MECOM: variants seen among roughly 807,000 people sequenced by gnomAD.
The protein encoded by MECOM is MDS1 and EVI1 complex locus.
A neutral mutation model predicts 116.3 loss-of-function variants in MECOM; 13 were observed. The observed-to-expected ratio is 0.11, with a 90% CI of 0.07 to 0.18. The LOEUF is 0.18. Among genes scored for constraint, MECOM ranks in the 10% least tolerant of loss-of-function variants. The pLI, the probability that MECOM is intolerant of heterozygous loss-of-function variation, is 1.00. For synonymous variants in MECOM, 528 were observed against 535.2 expected (o/e 0.99, Z 0.19); for missense variants, 1,299 against 1,509.0 (o/e 0.86, Z 2.31).
intron 2 of MECOM, among the ~76,000 whole-genome samples, chr3:169,310,585 G>A (rs542373368): frequency 2.6e-5 from 4 of 152,302 alleles, no homozygotes; most frequent in Middle Eastern, 3.4e-3. Flanking sequence ...TTTGGCGTGT[G>A]TATCTATTGC....
intron 1 of MECOM, among the ~76,000 whole-genome samples, chr3:169,475,431 A>G (rs1750197337): frequency 6.6e-6 from 1 of 152,096 alleles, no homozygotes; most frequent in South Asian, 2.1e-4. Context: ...CCTTCCTCTT[A>G]TGCACCCTGG....
rs371128391 is a variant in MECOM at position 169,115,459 on chromosome 3, C to T, written c.2413G>A (p.Val805Ile). ...HVFGGKKGSN[V>I]ESRPASDGSL... ...CCATCTGAAGCAGGTCTTGATTCGACGTTGCTTCCTTTTTTTCCCCCAAAC... is the reference window on the plus strand; with the variant it reads ...CCATCTGAAGCAGGTCTTGATTCGATGTTGCTTCCTTTTTTTCCCCCAAAC... Residue 805 changes from valine to isoleucine, a missense_variant, in exon 8 of 17, where the codon GTC becomes ATC. This residue lies in a region of MECOM where 340 missense variants were observed against 312.6 expected (regional missense o/e 1.09). Transcript: ENST00000651503. 1.0e-4 allele frequency: 161 copies of T among 1,613,992 alleles called. No individual in the cohort carries two copies. The highest frequency in any genetic ancestry group is 4.9e-4 in the Middle Eastern group (3 of 6,084).
chr3:169,629,276 C>T (rs561739702), intron 1 of MECOM, among the ~76,000 whole-genome samples: 15 of 151,622 alleles, frequency 9.9e-5, no homozygotes, highest in Admixed American at 3.3e-4. Flanking sequence ...ATATATTTGC[C>T]GACATCATAA....
chr3:169,575,337 G>A (rs1259640144), intron 1 of MECOM, among the ~76,000 whole-genome samples: 4 of 152,194 alleles, frequency 2.6e-5, no homozygotes, highest in Admixed American at 2.6e-4. Flanking sequence ...CTTTCCAGCA[G>A]GGGAAGGTGT....
At chr3:169,475,787 C>T (rs1313577940) in intron 1 of MECOM, among the ~76,000 whole-genome samples, 5 of 151,914 alleles carry the variant, frequency 3.3e-5, no homozygotes, top group Admixed American at 2.0e-4. Context: ...GGTTTTTAAC[C>T]ACCAATAACA....
chr3:169,392,503 C>T (rs893384078), intron 1 of MECOM, among the ~76,000 whole-genome samples: 1 of 152,142 alleles, frequency 6.6e-6, no homozygotes, highest in African/African-American at 2.4e-5. Context: ...CATTCCAAAA[C>T]ATTTATTCAA....
At chr3:169,356,430 C>G (rs1216318708) in intron 2 of MECOM, among the ~76,000 whole-genome samples, 1 of 151,832 alleles carries the variant, frequency 6.6e-6, no homozygotes, top group Non-Finnish European at 1.5e-5. Flanking sequence ...TTAACAAAAT[C>G]AACGTAGTGT....
intron 1 of MECOM, among the ~76,000 whole-genome samples, chr3:169,494,912 G>C (rs901884192): frequency 2.0e-5 from 3 of 152,198 alleles, no homozygotes; most frequent in Non-Finnish European, 4.4e-5. Context: ...GAATGGAAGA[G>C]AGTCAATAAA....
At chr3:169,535,122 T>A (rs1217010168) in intron 1 of MECOM, among the ~76,000 whole-genome samples, 2 of 152,150 alleles carry the variant, frequency 1.3e-5, no homozygotes, top group Non-Finnish European at 2.9e-5. Context: ...CCTCCCTCTA[T>A]CTAAGCCGCT....
chr3:169,484,381 C>A (rs73174319), intron 1 of MECOM, among the ~76,000 whole-genome samples: 10,722 of 152,032 alleles, frequency 0.071, 637 homozygotes, highest in East Asian at 0.25. Context: ...AGGTAACAAA[C>A]TTAGGGAGAA....
chr3:169,283,528 T>C (rs1452736203), intron 2 of MECOM, among the ~76,000 whole-genome samples: 1 of 152,186 alleles, frequency 6.6e-6, no homozygotes, highest in African/African-American at 2.4e-5. Flanking sequence ...AATACTCATA[T>C]GATAAAGAAT....
At chr3:169,555,209 C>CTTCA (rs953146692) in intron 1 of MECOM, among the ~76,000 whole-genome samples, 1 of 152,162 alleles carries the variant, frequency 6.6e-6, no homozygotes, top group Non-Finnish European at 1.5e-5. Context: ...TCCTTCATGT[C>CTTCA]TTCATTCATT....
At chr3:169,229,738 T>C (rs554643385) in intron 2 of MECOM, among the ~76,000 whole-genome samples, 7 of 152,288 alleles carry the variant, frequency 4.6e-5, no homozygotes, top group Admixed American at 4.6e-4. Context: ...TGAGATTCTC[T>C]GCACTTCAGA....
At chr3:169,527,488 A>G (rs1272053086) in intron 1 of MECOM, among the ~76,000 whole-genome samples, 1 of 152,244 alleles carries the variant, frequency 6.6e-6, no homozygotes, top group Non-Finnish European at 1.5e-5. Context: ...AGTCTTTAGT[A>G]TTAATCTAAA....
intron 3 of MECOM, among the ~76,000 whole-genome samples, chr3:169,135,889 C>T (rs1276251547): frequency 6.6e-6 from 1 of 151,710 alleles, no homozygotes; most frequent in Non-Finnish European, 1.5e-5. Flanking sequence ...AAATAGCACA[C>T]TAGTGAAATT....
At chr3:169,105,174 T>G (rs1391846039) in intron 10 of MECOM, among the ~76,000 whole-genome samples, 1 of 152,170 alleles carries the variant, frequency 6.6e-6, no homozygotes, top group Non-Finnish European at 1.5e-5. Flanking sequence ...CTTTTCATCT[T>G]CCTAATGTGT....
intron 1 of MECOM, among the ~76,000 whole-genome samples, chr3:169,529,103 T>TA (rs78992976): frequency 0.22 from 34,007 of 151,732 alleles, 4,373 homozygotes; most frequent in Non-Finnish European, 0.3. Flanking sequence ...ATAAGGCCTT[T>TA]AAAAAAAATC....
At chr3:169,440,210 ATG>A (rs10573741) in intron 1 of MECOM, among the ~76,000 whole-genome samples, 86,213 of 151,486 alleles carry the variant, frequency 0.57, 25,013 homozygotes, top group East Asian at 0.9. Context: ...TATGTTTTAT[ATG>A]TGTATATATA....
intron 1 of MECOM, among the ~76,000 whole-genome samples, chr3:169,471,114 C>A (rs565471095): frequency 2.3e-4 from 35 of 152,148 alleles, no homozygotes; most frequent in Middle Eastern, 3.4e-3. Flanking sequence ...ACCTCAGCCT[C>A]CAGGGTAGCT....
Sources: gnomAD v4.1 joint callset for allele counts (sites outside exome capture counted in the v4.1 genomes callset) on GRCh38, gnomAD v4.1.1 for gene constraint, gnomAD v4.1.1 regional missense constraint, MANE v1.5 for transcripts, NCBI Gene and HGNC (gene_info 2026-07-23, HGNC 2026-07-21) for gene names.